Variants in RHOBTB1 observed in about 807,000 individuals in gnomAD.
The protein encoded by RHOBTB1 is Rho related BTB domain containing 1.
A neutral mutation model predicts 71.6 loss-of-function variants in RHOBTB1; 40 were observed. The ratio of observed to expected loss-of-function variants is 0.56; its 90% CI spans 0.43 to 0.73. The LOEUF is 0.73. Among genes scored for constraint, RHOBTB1 ranks in the 30% least tolerant of loss-of-function variants. RHOBTB1 has a pLI of 0.00. For missense variants in RHOBTB1, 797 were observed against 894.0 expected, an observed-to-expected ratio of 0.89 and a Z score of 1.38; for synonymous variants, 319 against 334.9, an observed-to-expected ratio of 0.95 and a Z score of 0.52.
chr10:60,981,705 T>A (rs2086501002), intron 2 of RHOBTB1, among the ~76,000 whole-genome samples: 1 of 152,144 alleles, frequency 6.6e-6, no homozygotes, highest in African/African-American at 2.4e-5. Context: ...AACATGACAA[T>A]CAGGAGACTC....
chr10:60,944,245 C>T (rs1288978027), upstream of RHOBTB1: 1 of 152,176 alleles, frequency 6.6e-6, no homozygotes, highest in East Asian at 1.9e-4. Context: ...CTGCCCCCAC[C>T]CCGCTCCCAG....
chr10:60,968,722 GAACAGATCTTGTAGACA>G (rs2086055136), intron 2 of RHOBTB1, among the ~76,000 whole-genome samples: 1 of 152,128 alleles, frequency 6.6e-6, no homozygotes, highest in Non-Finnish European at 1.5e-5. Context: ...ATTCACTAAG[GAACAGATCTTGTAGACA>G]AACATCATTT....
chr10:60,969,651 G>C (rs1051237274), intron 2 of RHOBTB1, among the ~76,000 whole-genome samples: 3 of 152,162 alleles, frequency 2.0e-5, no homozygotes, highest in East Asian at 3.9e-4. Flanking sequence ...GGTCAAGAGA[G>C]TCCTATTGTC....
At chr10:60,885,772 C>G (rs1481000291) in intron 7 of RHOBTB1, among the ~76,000 whole-genome samples, 1 of 152,126 alleles carries the variant, frequency 6.6e-6, no homozygotes, top group Non-Finnish European at 1.5e-5. Flanking sequence ...TAGTACCATG[C>G]CTGGTGACAT....
intron 5 of RHOBTB1, among the ~76,000 whole-genome samples, chr10:60,892,092 T>C (rs372783546): frequency 2.0e-5 from 3 of 152,336 alleles, no homozygotes; most frequent in East Asian, 3.9e-4. Flanking sequence ...TGTGAGTCAA[T>C]TAAACCTCTT....
chr10:60,874,248 G>A (rs1008878188), intron 9 of RHOBTB1, among the ~76,000 whole-genome samples: 8 of 152,222 alleles, frequency 5.3e-5, no homozygotes, highest in African/African-American at 1.9e-4. Context: ...GCCTGTGCCA[G>A]GGACTAGATA....
chr10:60,880,133 G>A (rs865880170), intron 7 of RHOBTB1, among the ~76,000 whole-genome samples: 1 of 151,682 alleles, frequency 6.6e-6, no homozygotes, highest in South Asian at 2.1e-4. Context: ...TCTGAGTTGG[G>A]GGGGTGGTCC....
chr10:60,968,671 T>C (rs568881184), intron 2 of RHOBTB1, among the ~76,000 whole-genome samples: 59 of 152,270 alleles, frequency 3.9e-4, no homozygotes, highest in African/African-American at 1.3e-3. Context: ...TAAGTAAGCC[T>C]CAAATAAACC....
chr10:60,879,719 T>C (rs1387691752), intron 7 of RHOBTB1, among the ~76,000 whole-genome samples: 4 of 152,248 alleles, frequency 2.6e-5, no homozygotes, highest in African/African-American at 9.6e-5. Flanking sequence ...ATATATTATG[T>C]ATGATTACAT....
intron 2 of RHOBTB1, among the ~76,000 whole-genome samples, chr10:60,938,890 C>T (rs1001779923): frequency 1.1e-4 from 16 of 151,848 alleles, no homozygotes; most frequent in Non-Finnish European, 1.6e-4. Context: ...ATTTAGTTAA[C>T]GTGTTTGGCA....
Position 60,949,838 on chromosome 10 carries a change from C to T in RHOBTB1, c.-61-7984G>A, listed in dbSNP as rs376562891. Among the ~76,000 whole-genome samples the T allele has an allele frequency of 1.2e-4, 18 of 152,192 alleles. No homozygotes were observed. In the East Asian group the frequency reaches 1.9e-3, roughly 16 times the overall value. Reference sequence around the variant, plus strand: ...TGTTAGTTCTGTGAAGACAAAGTATCTTTTCCATTGCAGTTTCTATTTTAC... The same window carrying T: ...TGTTAGTTCTGTGAAGACAAAGTATTTTTTCCATTGCAGTTTCTATTTTAC... On this transcript the variant is annotated intron_variant, in intron 2 of 11. Transcript: ENST00000357917.
chr10:60,896,967 CA>C (rs1291261530), intron 4 of RHOBTB1, among the ~76,000 whole-genome samples: 3 of 149,354 alleles, frequency 2.0e-5, no homozygotes, highest in Non-Finnish European at 4.5e-5. Context: ...TTTAAACAAA[CA>C]AAAAAAAGCA....
chr10:60,980,297 A>T (rs10994588), intron 2 of RHOBTB1, among the ~76,000 whole-genome samples: 3,243 of 152,334 alleles, frequency 0.021, 100 homozygotes, highest in African/African-American at 0.069. Flanking sequence ...GAGAGAATTC[A>T]ATACAAAAAT....
At chr10:60,978,457 T>C (rs1413155809) in intron 2 of RHOBTB1, among the ~76,000 whole-genome samples, 1 of 152,194 alleles carries the variant, frequency 6.6e-6, no homozygotes, top group Non-Finnish European at 1.5e-5. Flanking sequence ...GTCTTTGTTT[T>C]ATTCTACATT....
At chr10:60,960,817 C>G (rs1207021489) in intron 2 of RHOBTB1, among the ~76,000 whole-genome samples, 1 of 152,190 alleles carries the variant, frequency 6.6e-6, no homozygotes, top group Admixed American at 6.5e-5. Flanking sequence ...TTGTTGCTTA[C>G]CACTGCTAAT....
chr10:60,970,636 T>G (rs1326918823), intron 2 of RHOBTB1, among the ~76,000 whole-genome samples: 3 of 152,134 alleles, frequency 2.0e-5, no homozygotes, highest in African/African-American at 7.2e-5. Flanking sequence ...GCATTTATAG[T>G]AAGCACAATA....
intron 1 of RHOBTB1, among the ~76,000 whole-genome samples, chr10:60,990,026 A>G (rs1176318969): frequency 6.3e-5 from 8 of 126,744 alleles, no homozygotes; most frequent in Non-Finnish European, 1.2e-4. Context: ...TCTGTCGCCT[A>G]GGCTGGAGTG....
chr10:60,930,829 C>T (rs1051562149), intron 2 of RHOBTB1, among the ~76,000 whole-genome samples: 2 of 152,116 alleles, frequency 1.3e-5, no homozygotes, highest in Admixed American at 6.5e-5. Flanking sequence ...TCTTACAGGG[C>T]TAGCCATCAT....
At chr10:60,990,182 A>G (rs1239946288) in intron 1 of RHOBTB1, among the ~76,000 whole-genome samples, 1 of 151,730 alleles carries the variant, frequency 6.6e-6, no homozygotes, top group Non-Finnish European at 1.5e-5. Flanking sequence ...TCGGGGTTTC[A>G]CCATGTTAGC....
Sources: gnomAD v4.1 joint callset for allele counts (sites outside exome capture counted in the v4.1 genomes callset) on GRCh38, gnomAD v4.1.1 for gene constraint, MANE v1.5 for transcripts, NCBI Gene and HGNC (gene_info 2026-07-23, HGNC 2026-07-21) for gene names.